The following DENND1A variants were observed in gnomAD, a reference collection of about 807,000 sequenced individuals.
DENND1A encodes DENN domain-containing protein 1A.
Under a neutral mutation model 113.7 loss-of-function variants are expected in DENND1A, and 51 were observed. The observed-to-expected ratio is 0.45, with a 90% CI of 0.36 to 0.57. The LOEUF is 0.57. DENND1A is among the 20% of genes least tolerant of loss of function. The pLI, the probability that DENND1A is intolerant of heterozygous loss-of-function variation, is 0.00. For missense variants in DENND1A, 1,258 were observed against 1,395.9 expected, an observed-to-expected ratio of 0.90 and a Z score of 1.57; for synonymous variants, 565 against 570.8, an observed-to-expected ratio of 0.99 and a Z score of 0.14.
At chr9:123,838,829 GC>G (rs1841423907) in intron 2 of DENND1A, among the ~76,000 whole-genome samples, 1 of 152,154 alleles carries the variant, frequency 6.6e-6, no homozygotes, top group Non-Finnish European at 1.5e-5. Flanking sequence ...CAGTGGCAGT[GC>G]CCAAACCCTC....
chr9:123,528,063 T>C (rs2054992441), intron 13 of DENND1A, among the ~76,000 whole-genome samples: 1 of 152,112 alleles, frequency 6.6e-6, no homozygotes, highest in African/African-American at 2.4e-5. Flanking sequence ...GTCTAATTAT[T>C]CAAAGAGAAC....
At chr9:123,762,498 A>G (rs1187908017) in intron 4 of DENND1A, among the ~76,000 whole-genome samples, 2 of 152,254 alleles carry the variant, frequency 1.3e-5, no homozygotes, top group African/African-American at 4.8e-5. Context: ...GAGGATGGAC[A>G]GTTTGATTCT....
At chr9:123,496,205 C>T (rs146825985) in intron 13 of DENND1A, among the ~76,000 whole-genome samples, 33 of 152,256 alleles carry the variant, frequency 2.2e-4, no homozygotes, top group African/African-American at 4.6e-4. Flanking sequence ...AGTAAATGCT[C>T]GGTGTAATGT....
intron 2 of DENND1A, among the ~76,000 whole-genome samples, chr9:123,867,881 G>T (rs1283100440): frequency 1.3e-5 from 2 of 152,164 alleles, no homozygotes; most frequent in Non-Finnish European, 2.9e-5. Context: ...TTCTATTTGG[G>T]TGTTAAACTG....
chr9:123,506,350 G>A (rs557031599), intron 13 of DENND1A, among the ~76,000 whole-genome samples: 156 of 152,210 alleles, frequency 1.0e-3, no homozygotes, highest in Admixed American at 2.8e-3. Flanking sequence ...TTGGGTGGCC[G>A]AAGTGGGCGG....
At chr9:123,398,133 G>A (rs1564416050) in intron 21 of DENND1A, among the ~76,000 whole-genome samples, 1 of 152,222 alleles carries the variant, frequency 6.6e-6, no homozygotes, top group South Asian at 2.1e-4. Context: ...TAAACAGGTG[G>A]CAGATGCCTG....
chr9:123,488,638 C>T (rs557004567), intron 13 of DENND1A, among the ~76,000 whole-genome samples: 6 of 152,294 alleles, frequency 3.9e-5, no homozygotes, highest in Non-Finnish European at 7.4e-5. Context: ...CCCCACTCCA[C>T]GTCCCTGGAC....
At chr9:123,766,711 C>T (rs912550019) in intron 4 of DENND1A, among the ~76,000 whole-genome samples, 2 of 152,208 alleles carry the variant, frequency 1.3e-5, no homozygotes, top group Non-Finnish European at 2.9e-5. Flanking sequence ...AAGATAATGG[C>T]ACCTGCTCTT....
rs1352459772 is a variant in DENND1A at position 123,676,904 on chromosome 9, C to A, written c.303-115G>T. The stretch of plus-strand genomic sequence containing the variant: ...TTGCTCTACATCCTGAAGAGTCTTC[C>A]TGTCACAGACTGGTGGAAACACAAA... On this transcript the variant is annotated intron_variant, in intron 5 of 23. Transcript: ENST00000394215. The A allele has an allele frequency of 5.4e-6, 5 of 920,810 alleles. No individual in the cohort carries two copies. The East Asian group carries it at 1.2e-4, about 23-fold the overall frequency. The allele number at this position is 920,810 out of a possible 1,614,324, so 57.0% of individuals were successfully genotyped here.
chr9:123,389,888 G>A (rs1383751618), intron 21 of DENND1A, among the ~76,000 whole-genome samples: 3 of 152,184 alleles, frequency 2.0e-5, no homozygotes, highest in Non-Finnish European at 4.4e-5. Context: ...CGGCCGTGCC[G>A]AGCTCCGAGC....
chr9:123,632,250 A>G (rs183816841), intron 9 of DENND1A, among the ~76,000 whole-genome samples: 1 of 149,726 alleles, frequency 6.7e-6, no homozygotes, highest in African/African-American at 2.5e-5. Flanking sequence ...GGTCCATGCC[A>G]TGAACTGGAA....
chr9:123,399,083 A>G (rs1201078519), intron 21 of DENND1A, among the ~76,000 whole-genome samples: 1 of 152,154 alleles, frequency 6.6e-6, no homozygotes, highest in Admixed American at 6.5e-5. Flanking sequence ...GGTGTGAGCC[A>G]CCGCGCCCGG....
At chr9:123,407,167 CG>C (rs1213276485) in intron 20 of DENND1A, among the ~76,000 whole-genome samples, 546 of 7,666 alleles carry the variant, frequency 0.071, 4 homozygotes, top group Middle Eastern at 0.29. Flanking sequence ...GGGGGAGGGG[CG>C]GGGGGGTGGG....
At chr9:123,873,963 G>A (rs1033769638) in intron 2 of DENND1A, among the ~76,000 whole-genome samples, 4 of 151,920 alleles carry the variant, frequency 2.6e-5, no homozygotes, top group Admixed American at 6.6e-5. Context: ...GGCTGGTCTC[G>A]AACTCTTGAC....
chr9:123,924,702 A>T (rs971812970), intron 1 of DENND1A, among the ~76,000 whole-genome samples: 18 of 152,064 alleles, frequency 1.2e-4, no homozygotes, highest in African/African-American at 4.3e-4. Context: ...TTGTAATCTT[A>T]TAAGATTCAC....
At chr9:123,754,164 G>C (rs2070319873) in intron 5 of DENND1A, among the ~76,000 whole-genome samples, 1 of 152,188 alleles carries the variant, frequency 6.6e-6, no homozygotes, top group South Asian at 2.1e-4. Flanking sequence ...TAACTAAAGA[G>C]AAAGTATCTA....
At chr9:123,398,657 G>T (rs1026588238) in intron 21 of DENND1A, among the ~76,000 whole-genome samples, 1 of 152,010 alleles carries the variant, frequency 6.6e-6, no homozygotes, top group Non-Finnish European at 1.5e-5. Context: ...GATAACAGGC[G>T]TGAGCCACCG....
chr9:123,538,267 C>G (rs543474168), intron 13 of DENND1A, among the ~76,000 whole-genome samples: 1 of 152,212 alleles, frequency 6.6e-6, no homozygotes, highest in African/African-American at 2.4e-5. Flanking sequence ...TAAGTAAAAG[C>G]TCTGTAGTCT....
chr9:123,716,756 A>G (rs1409579981), intron 5 of DENND1A, among the ~76,000 whole-genome samples: 1 of 152,210 alleles, frequency 6.6e-6, no homozygotes, highest in Non-Finnish European at 1.5e-5. Flanking sequence ...AAACTCCTTC[A>G]GGGAAGTTAC....
Sources: allele counts gnomAD v4.1 joint callset (sites outside exome capture counted in the v4.1 genomes callset), GRCh38; gene constraint gnomAD v4.1.1; transcripts MANE v1.5; gene names NCBI Gene and HGNC (gene_info 2026-07-23, HGNC 2026-07-21).